AGMO: variants seen among roughly 807,000 people sequenced by gnomAD.
AGMO encodes the protein alkylglycerol monooxygenase.
Under a neutral mutation model 60.2 loss-of-function variants are expected in AGMO, and 75 were observed. The observed-to-expected ratio is 1.25, with a 90% CI of 1.03 to 1.51. The LOEUF is 1.51. Ranked by LOEUF, AGMO falls within the 40% of genes most tolerant of loss-of-function variation. AGMO has a pLI of 0.00. For missense variants in AGMO, 763 were observed against 525.5 expected (o/e 1.45, Z -4.42); for synonymous variants, 261 against 177.1 (o/e 1.47, Z -3.76).
chr7:15,365,543 G>T lies in AGMO; in HGVS notation c.1234C>A (p.Leu412Ile). 6.2e-7 allele frequency: 1 copy of T among 1,612,790 alleles called. No homozygotes were observed. The highest frequency in any genetic ancestry group is 8.5e-7 in the Non-Finnish European group (1 of 1,179,076). ...MLYRFGHLKP[L>I]VPSLSSAFEI... is the part of the protein sequence containing the mutation. ...AAAGCAGATGACAATGAAGGGACAA[G>T]AGGCTTCAGGTGACCAAATCGGTAC... Residue 412 changes from leucine to isoleucine, a missense_variant, in exon 12 of 13, where the codon CTT becomes ATT. By Grantham distance (5) the Leu-to-Ile change is conservative. Coordinates refer to ENST00000342526, the MANE Select transcript of AGMO (RefSeq NM_001004320.2).
intron 12 of AGMO, among the ~76,000 whole-genome samples, chr7:15,320,585 T>A (rs12699704): frequency 0.35 from 53,491 of 152,006 alleles, 11,056 homozygotes; most frequent in East Asian, 0.51. Context: ...AAAAGGAGTA[T>A]TAAATATAAA....
rs760569161 is a variant in AGMO, at chr7:15,387,433, T to C, written c.930A>G (p.Arg310=). ...CTGGAATTTCTTCACTGAGACCAAGTCTTGGTTTACCTGGACCCCATCCCG... is the reference window on the plus strand; with the variant it reads ...CTGGAATTTCTTCACTGAGACCAAGCCTTGGTTTACCTGGACCCCATCCCG... The part of the protein sequence containing the change: ...KGPGWGPGKP[R]LGLSEEIPEV... The change falls in exon 9 of 13, where the codon AGA becomes AGG. Residue 310 remains arginine (R), a synonymous_variant. Transcript: ENST00000342526. The C allele has an allele frequency of 1.9e-6, 3 of 1,613,830 alleles. No individual in the cohort carries two copies. Among genetic ancestry groups the C allele is most frequent in the South Asian group, 1.1e-5 (1 of 91,054 alleles).
At chr7:15,460,813 A>T (rs1194539826) in intron 3 of AGMO, among the ~76,000 whole-genome samples, 4 of 152,322 alleles carry the variant, frequency 2.6e-5, no homozygotes, top group Non-Finnish European at 5.9e-5. Context: ...AATATGAGAC[A>T]AAAAGAAGCA....
chr7:15,323,410 T>C (rs1449495354), intron 12 of AGMO, among the ~76,000 whole-genome samples: 2 of 152,260 alleles, frequency 1.3e-5, no homozygotes, highest in Middle Eastern at 3.4e-3. Flanking sequence ...TCCCATCACC[T>C]TCCTTTCAAG....
chr7:15,206,146 G>C lies in AGMO; in HGVS notation c.1264-4787C>G, dbSNP rs573281601. On this transcript the variant is annotated intron_variant, in intron 12 of 12. Coordinates refer to ENST00000342526, the MANE Select transcript of AGMO (RefSeq NM_001004320.2). ...CAAAATATCTCTATTTCCTATGAGC[G>C]CAAGAGGACAAATAAGCACAATGGA... Among the ~76,000 whole-genome samples, 16 of 152,078 alleles carry C rather than the reference G, an allele frequency of 1.1e-4. No homozygotes were observed. The East Asian group carries it at 3.1e-3, about 29-fold the overall frequency.
chr7:15,488,170 C>T (rs1170663076), intron 3 of AGMO, among the ~76,000 whole-genome samples: 1 of 152,152 alleles, frequency 6.6e-6, no homozygotes, highest in African/African-American at 2.4e-5. Flanking sequence ...AGTTATTCAA[C>T]CTGAGCTTTT....
At chr7:15,432,033 C>T (rs1467663901) in intron 3 of AGMO, among the ~76,000 whole-genome samples, 1 of 151,526 alleles carries the variant, frequency 6.6e-6, no homozygotes, top group Non-Finnish European at 1.5e-5. Context: ...ATACTCTATT[C>T]AGTTTAAAAA....
At chr7:15,551,636 G>C (rs62438965) in intron 2 of AGMO, among the ~76,000 whole-genome samples, 5,319 of 150,814 alleles carry the variant, frequency 0.035, 110 homozygotes, top group Non-Finnish European at 0.051. Flanking sequence ...TCTTCAAGGA[G>C]AACTACAAAC....
chr7:15,284,457 A>G (rs1784049291), intron 12 of AGMO, among the ~76,000 whole-genome samples: 1 of 152,128 alleles, frequency 6.6e-6, no homozygotes, highest in Non-Finnish European at 1.5e-5. Context: ...ATGCACACAA[A>G]CTAAAAAATC....
chr7:15,430,187 A>G (rs1781187637), intron 4 of AGMO, among the ~76,000 whole-genome samples: 1 of 151,938 alleles, frequency 6.6e-6, no homozygotes, highest in Non-Finnish European at 1.5e-5. Context: ...TAACAAAAGT[A>G]CCTTGCAAAG....
intron 4 of AGMO, among the ~76,000 whole-genome samples, chr7:15,419,720 G>A (rs1780874399): frequency 6.6e-6 from 1 of 151,732 alleles, no homozygotes; most frequent in Non-Finnish European, 1.5e-5. Context: ...GATTAGATTA[G>A]TGAGAAAAGA....
intron 10 of AGMO, among the ~76,000 whole-genome samples, chr7:15,370,542 T>A (rs1783167290): frequency 6.6e-6 from 1 of 152,226 alleles, no homozygotes; most frequent in Admixed American, 6.5e-5. Flanking sequence ...CTTTTTAGCC[T>A]CACCAGCATC....
At chr7:15,407,670 T>C (rs959613831) in intron 5 of AGMO, among the ~76,000 whole-genome samples, 4 of 151,806 alleles carry the variant, frequency 2.6e-5, no homozygotes, top group African/African-American at 7.2e-5. Context: ...CAACAATCAA[T>C]AGAATTTTTT....
At chr7:15,139,184 T>C in the AGMO span, among the ~76,000 whole-genome samples, 1 of 152,222 alleles carries the variant, frequency 6.6e-6, no homozygotes, top group African/African-American at 2.4e-5. Context: ...ACTTTGTTTC[T>C]GAGTTCTCTA....
At chr7:15,244,141 G>A (rs1782672848) in intron 12 of AGMO, among the ~76,000 whole-genome samples, 2 of 151,654 alleles carry the variant, frequency 1.3e-5, no homozygotes, top group Non-Finnish European at 2.9e-5. Context: ...AGAAAGAAGG[G>A]AAAATAAAAA....
chr7:15,370,527 C>G (rs889989483), intron 10 of AGMO, among the ~76,000 whole-genome samples: 10 of 152,134 alleles, frequency 6.6e-5, no homozygotes, highest in African/African-American at 2.4e-4. Context: ...TATGTGTTCC[C>G]TTTTCTTTTT....
At chr7:15,450,877 T>A (rs924967406) in intron 3 of AGMO, among the ~76,000 whole-genome samples, 8 of 152,090 alleles carry the variant, frequency 5.3e-5, no homozygotes, top group African/African-American at 1.9e-4. Context: ...TGAATATTAA[T>A]AATAAAATTA....
chr7:15,506,501 T>C (rs1258703904), intron 3 of AGMO, among the ~76,000 whole-genome samples: 1 of 152,084 alleles, frequency 6.6e-6, no homozygotes, highest in Non-Finnish European at 1.5e-5. Flanking sequence ...AATTACTCCC[T>C]GATAGATAAC....
At chr7:15,140,204 G>A in the AGMO span, among the ~76,000 whole-genome samples, 3 of 151,850 alleles carry the variant, frequency 2.0e-5, no homozygotes, top group East Asian at 5.8e-4. Flanking sequence ...AAATTAATTT[G>A]GTTAAGTACA....
Sources: allele counts gnomAD v4.1 joint callset (sites outside exome capture counted in the v4.1 genomes callset), GRCh38; gene constraint gnomAD v4.1.1; transcripts MANE v1.5; gene names NCBI Gene and HGNC (gene_info 2026-07-23, HGNC 2026-07-21).